Variants in LARGE1 observed in about 807,000 individuals in gnomAD.
LARGE1 encodes the protein xylosyl- and glucuronyltransferase LARGE1.
A neutral mutation model predicts 87.6 loss-of-function variants in LARGE1; 43 were observed. The observed-to-expected ratio is 0.49, with a 90% CI of 0.38 to 0.63. The LOEUF is 0.63. Ranked by LOEUF, LARGE1 falls within the 30% of genes least tolerant of loss-of-function variation. The pLI, the probability that LARGE1 is intolerant of heterozygous loss-of-function variation, is 0.00. For missense variants in LARGE1, 802 were observed against 1,000.2 expected, an observed-to-expected ratio of 0.80 and a Z score of 2.67; for synonymous variants, 434 against 394.6, an observed-to-expected ratio of 1.10 and a Z score of -1.18.
At chr22:33,110,308 ATTAGTGCAGAGCATCCTGCCAGCT>A in the LARGE1 span, 66 of 152,362 alleles carry the variant, frequency 4.3e-4, no homozygotes, top group African/African-American at 1.6e-3. Context: ...GCCTAAGCCA[ATTAGTGCAGAGCATCCTGCCAGCT>A]GTAGGGATTA....
chr22:33,336,338 T>C (rs926251734), intron 10 of LARGE1, among the ~76,000 whole-genome samples: 1 of 152,032 alleles, frequency 6.6e-6, no homozygotes, highest in Non-Finnish European at 1.5e-5. Context: ...GTAGCTGGGA[T>C]TATAGGTGCC....
intron 9 of LARGE1, among the ~76,000 whole-genome samples, chr22:33,344,242 T>C (rs191380973): frequency 8.5e-5 from 13 of 152,228 alleles, no homozygotes; most frequent in African/African-American, 2.9e-4. Flanking sequence ...TCAGAAATGA[T>C]TTTCTTTCTA....
At chr22:33,090,631 C>T in the LARGE1 span, among the ~76,000 whole-genome samples, 1 of 152,132 alleles carries the variant, frequency 6.6e-6, no homozygotes, top group Non-Finnish European at 1.5e-5. Context: ...GCATGTAGGG[C>T]TTTGTAGGAC....
chr22:33,788,204 A>T (rs1017466747), intron 1 of LARGE1, among the ~76,000 whole-genome samples: 3 of 152,192 alleles, frequency 2.0e-5, no homozygotes, highest in Non-Finnish European at 2.9e-5. Flanking sequence ...GTGGTAGTGA[A>T]TAAGTTTCAT....
the LARGE1 span, among the ~76,000 whole-genome samples, chr22:33,083,155 A>T: frequency 6.6e-6 from 1 of 152,202 alleles, no homozygotes; most frequent in African/African-American, 2.4e-5. Flanking sequence ...AGGCTTAGAG[A>T]TGTGAATTAC....
At chr22:33,680,580 C>T (rs1169459094) in intron 2 of LARGE1, among the ~76,000 whole-genome samples, 2 of 152,092 alleles carry the variant, frequency 1.3e-5, no homozygotes, top group Non-Finnish European at 2.9e-5. Context: ...TTGGGAAGGT[C>T]GTGAAAAACA....
At chr22:33,339,490 C>G (rs1225324034) in intron 9 of LARGE1, among the ~76,000 whole-genome samples, 1 of 152,060 alleles carries the variant, frequency 6.6e-6, no homozygotes, top group Non-Finnish European at 1.5e-5. Context: ...ACATCCGTAA[C>G]TCTAGGTTTC....
chr22:33,754,151 A>G (rs983442377), intron 2 of LARGE1, among the ~76,000 whole-genome samples: 1 of 152,148 alleles, frequency 6.6e-6, no homozygotes, highest in Non-Finnish European at 1.5e-5. Context: ...CTCAGATGCC[A>G]AGACCTTAAA....
At chr22:33,414,336 AGGTAAAAGTTTCTGT>A (rs2066412738) in intron 7 of LARGE1, among the ~76,000 whole-genome samples, 1 of 152,184 alleles carries the variant, frequency 6.6e-6, no homozygotes, top group Admixed American at 6.5e-5. Flanking sequence ...ATTTCTTAAT[AGGTAAAAGTTTCTGT>A]TATATGAAAT....
chr22:33,319,423 T>C (rs1156377900), intron 10 of LARGE1, among the ~76,000 whole-genome samples: 3 of 151,972 alleles, frequency 2.0e-5, no homozygotes, highest in African/African-American at 7.3e-5. Context: ...TGAGACAGAG[T>C]CTAGCTCTGT....
At chr22:33,739,307 C>G (rs951243835) in intron 2 of LARGE1, among the ~76,000 whole-genome samples, 2 of 152,084 alleles carry the variant, frequency 1.3e-5, no homozygotes, top group African/African-American at 2.4e-5. Flanking sequence ...GATGAACTCT[C>G]GAGCCTCCCT....
At position 33,847,208 on chromosome 22, in the gene LARGE1, C is replaced by T. The variant is rs574204504; in HGVS notation, c.-83+72787G>A. ...AATAGAAAAGAACCTACGTGACTAT[C>T]GGGGCAGGTTCCCCGATAAAGTTCC... is the stretch of plus-strand genomic sequence containing the variant. On this transcript the variant is annotated intron_variant, in intron 1 of 14. Coordinates refer to ENST00000397394, the MANE Select transcript of LARGE1 (RefSeq NM_133642.5). Among the ~76,000 whole-genome samples, 10 of 152,180 alleles carry T rather than the reference C, an allele frequency of 6.6e-5. No individual in the cohort carries two copies. The East Asian group carries it at 7.7e-4, about 12-fold the overall frequency.
At chr22:33,559,863 C>A (rs538626453) in intron 6 of LARGE1, among the ~76,000 whole-genome samples, 9 of 152,144 alleles carry the variant, frequency 5.9e-5, no homozygotes, top group Non-Finnish European at 1.2e-4. Flanking sequence ...GAAAACTACA[C>A]TTTTCTATGC....
chr22:33,544,694 C>CAACAACAACAACA (rs1555952160), intron 6 of LARGE1, among the ~76,000 whole-genome samples: 9,293 of 136,586 alleles, frequency 0.068, 316 homozygotes, highest in African/African-American at 0.11. Flanking sequence ...AAACAACAAC[C>CAACAACAACAACA]ACAACAACAA....
At chr22:33,232,371 G>A (rs1271564359) in intron 11 of LARGE1, among the ~76,000 whole-genome samples, 1 of 152,190 alleles carries the variant, frequency 6.6e-6, no homozygotes. Flanking sequence ...TGCACCCACT[G>A]ATTTGCAATT....
chr22:33,731,090 C>T (rs2083451126), intron 2 of LARGE1, among the ~76,000 whole-genome samples: 2 of 151,426 alleles, frequency 1.3e-5, no homozygotes, highest in African/African-American at 2.4e-5. Context: ...GCAAGCTCCG[C>T]CTCCCGGGTT....
At chr22:33,488,738 C>T (rs1205817714) in intron 6 of LARGE1, among the ~76,000 whole-genome samples, 2 of 152,048 alleles carry the variant, frequency 1.3e-5, no homozygotes, top group Non-Finnish European at 2.9e-5. Context: ...GAAGAGTTTC[C>T]CAAAAATAAA....
chr22:33,171,105 G>A (rs1049114313), intron 11 of LARGE1, among the ~76,000 whole-genome samples: 4 of 152,126 alleles, frequency 2.6e-5, no homozygotes, highest in Non-Finnish European at 4.4e-5. Context: ...TGCCCCTGCC[G>A]TAGAGATCTG....
intron 1 of LARGE1, among the ~76,000 whole-genome samples, chr22:33,888,902 G>A (rs1348401106): frequency 6.6e-6 from 1 of 152,130 alleles, no homozygotes; most frequent in Non-Finnish European, 1.5e-5. Context: ...ACACTCACGA[G>A]TTTTGTAACA....
Sources: gnomAD v4.1 joint callset for allele counts (sites outside exome capture counted in the v4.1 genomes callset) on GRCh38, gnomAD v4.1.1 for gene constraint, MANE v1.5 for transcripts, NCBI Gene and HGNC (gene_info 2026-07-23, HGNC 2026-07-21) for gene names.